Variants in TLR6 observed in about 807,000 individuals in gnomAD.
TLR6 encodes toll-like receptor 6.
Under a neutral mutation model 16.1 loss-of-function variants are expected in TLR6, and 9 were observed. The ratio of observed to expected loss-of-function variants is 0.56; its 90% CI spans 0.34 to 0.98. The LOEUF (loss-of-function observed/expected upper bound fraction) is 0.98. Ranked by LOEUF, TLR6 falls within the 50% of genes least tolerant of loss-of-function variation. The pLI, the probability that TLR6 is intolerant of heterozygous loss-of-function variation, is 0.02. For missense variants in TLR6, 786 were observed against 921.0 expected (o/e 0.85, Z 1.90); for synonymous variants, 340 against 338.6 (o/e 1.00, Z -0.04).
chr4:38,857,734 G>A (rs1048999374), upstream of TLR6, among the ~76,000 whole-genome samples: 1 of 152,058 alleles, frequency 6.6e-6, no homozygotes, highest in Non-Finnish European at 1.5e-5. Flanking sequence ...AATCACTTCT[G>A]CTTTCAGGAG....
intron 1 of TLR6, among the ~76,000 whole-genome samples, chr4:38,834,064 TAAA>T (rs372189493): frequency 7.3e-6 from 1 of 137,542 alleles, no homozygotes; most frequent in Non-Finnish European, 1.6e-5. Context: ...ATATCTGTAC[TAAA>T]AAAAAAAAAA....
At chr4:38,839,310 T>TAAAA (rs57901685) in intron 1 of TLR6, among the ~76,000 whole-genome samples, 18,053 of 151,652 alleles carry the variant, frequency 0.12, 1,973 homozygotes, top group East Asian at 0.26. Flanking sequence ...GATTTTTTTT[T>TAAAA]AAAAAAAATT....
intron 1 of TLR6, among the ~76,000 whole-genome samples, chr4:38,849,744 T>C (rs1712689172): frequency 6.6e-6 from 1 of 152,164 alleles, no homozygotes; most frequent in Admixed American, 6.5e-5. Flanking sequence ...TAAATATATA[T>C]GCACCCAATA....
chr4:38,850,180 G>T (rs988500269), intron 1 of TLR6, among the ~76,000 whole-genome samples: 2 of 152,140 alleles, frequency 1.3e-5, no homozygotes, highest in Non-Finnish European at 2.9e-5. Flanking sequence ...CTTGAAACCA[G>T]CGAGGACAAA....
At chr4:38,846,777 G>C (rs1458198897) in intron 1 of TLR6, among the ~76,000 whole-genome samples, 1 of 152,134 alleles carries the variant, frequency 6.6e-6, no homozygotes, top group East Asian at 1.9e-4. Flanking sequence ...GGGTAGGGAG[G>C]GAGAGAGTGC....
chr4:38,853,746 G>T (rs1712861175), intron 1 of TLR6, among the ~76,000 whole-genome samples: 1 of 152,128 alleles, frequency 6.6e-6, no homozygotes, highest in Non-Finnish European at 1.5e-5. Flanking sequence ...TGGGGTTACA[G>T]GTACAAGCCA....
At chr4:38,841,016 T>C (rs1712231906) in intron 1 of TLR6, among the ~76,000 whole-genome samples, 1 of 152,190 alleles carries the variant, frequency 6.6e-6, no homozygotes, top group South Asian at 2.1e-4. Context: ...AATCTGTCCC[T>C]GTGATATACT....
At chr4:38,839,603 G>T (rs553723620) in intron 1 of TLR6, among the ~76,000 whole-genome samples, 1 of 152,106 alleles carries the variant, frequency 6.6e-6, no homozygotes, top group Non-Finnish European at 1.5e-5. Context: ...GACCCTTCAC[G>T]GCTGAAGGGT....
At chr4:38,863,624 TTC>T in the TLR6 span, among the ~76,000 whole-genome samples, 1 of 152,270 alleles carries the variant, frequency 6.6e-6, no homozygotes, top group East Asian at 1.9e-4. Context: ...AATGATTAAT[TTC>T]TCTTTTGCTC....
At chr4:38,858,822 A>G (rs1320342560), upstream of TLR6, among the ~76,000 whole-genome samples, 5 of 117,570 alleles carry the variant, frequency 4.3e-5, no homozygotes, top group Non-Finnish European at 8.8e-5. Flanking sequence ...AGGGAGAGAG[A>G]GAGAGAGAGG....
intron 1 of TLR6, among the ~76,000 whole-genome samples, chr4:38,841,997 T>A (rs140614269): frequency 3.1e-4 from 47 of 152,090 alleles, no homozygotes; most frequent in South Asian, 1.0e-3. Context: ...TGTTTAAAAA[T>A]TTTTTTTTCA....
chr4:38,828,134 C>T (rs1727642464), exon 2 of TLR6: 1 of 1,614,202 alleles, frequency 6.2e-7, no homozygotes, highest in African/African-American at 1.3e-5. Context: ...GGGAGGTAAA[C>T]ATCTGAAAAC....
exon 2 of TLR6, chr4:38,824,400 C>T (rs1183753556): frequency 6.6e-6 from 1 of 152,210 alleles, no homozygotes; most frequent in Non-Finnish European, 1.5e-5. Context: ...CTGTGAGGAA[C>T]CTACTTTCCA....
chr4:38,828,108 C>G (rs1727640692), exon 2 of TLR6: 2 of 1,614,110 alleles, frequency 1.2e-6, no homozygotes, highest in African/African-American at 2.7e-5. Flanking sequence ...CTGTGAAGAT[C>G]AAGTACCTTG....
At position 38,849,504 on chromosome 4, in the gene TLR6, C is replaced by T. The variant is rs559928184; in HGVS notation, c.-65+7257G>A. ...TGGCAAATTGGATAAAGAGTCAAGA[C>T]CCACCAGTGTGCTGTATTCAGGAGA... On this transcript the variant is annotated intron_variant, in intron 1 of 1. Transcript: ENST00000436693. Among the ~76,000 whole-genome samples, 237 of 152,204 alleles carry T rather than the reference C, an allele frequency of 1.6e-3. 1 individual carries two copies. Among genetic ancestry groups the T allele is most frequent in the African/African-American group, 5.1e-3 (213 of 41,512 alleles).
chr4:38,844,724 C>A (rs56083757), intron 1 of TLR6, among the ~76,000 whole-genome samples: 1 of 151,934 alleles, frequency 6.6e-6, no homozygotes, highest in African/African-American at 2.4e-5. Flanking sequence ...AGTCATATTT[C>A]TGACTATAAA....
intron 1 of TLR6, among the ~76,000 whole-genome samples, chr4:38,851,248 T>G (rs568924907): frequency 6.6e-6 from 1 of 152,294 alleles, no homozygotes; most frequent in Non-Finnish European, 1.5e-5. Context: ...ATAAGAGCTA[T>G]TTATGACAAA....
exon 2 of TLR6, chr4:38,829,269 C>T (rs374579897): frequency 3.1e-6 from 5 of 1,614,122 alleles, no homozygotes; most frequent in Admixed American, 1.7e-5. Flanking sequence ...ATGTCAGAGA[C>T]CTGAAGCTCA....
chr4:38,838,016 A>G (rs886172469), intron 1 of TLR6, among the ~76,000 whole-genome samples: 14 of 152,210 alleles, frequency 9.2e-5, no homozygotes, highest in African/African-American at 3.4e-4. Context: ...TGAATCATCA[A>G]GGAAGTGCAA....
Sources: allele counts gnomAD v4.1 joint callset (sites outside exome capture counted in the v4.1 genomes callset), GRCh38; gene constraint gnomAD v4.1.1; transcripts MANE v1.5; gene names NCBI Gene and HGNC (gene_info 2026-07-23, HGNC 2026-07-21).